Variants in AVEN observed in about 807,000 individuals in gnomAD.
AVEN encodes cell death regulator Aven.
In AVEN, 41 loss-of-function variants were observed where a neutral mutation model predicts 38.1. The ratio of observed to expected loss-of-function variants is 1.08; its 90% CI spans 0.84 to 1.40. AVEN has a LOEUF of 1.40. Among genes scored for constraint, AVEN ranks in the 40% most tolerant of loss-of-function variants. AVEN has a pLI of 0.00. For synonymous variants in AVEN, 206 were observed against 171.8 expected (o/e 1.20, Z -1.56); for missense variants, 605 against 438.8 (o/e 1.38, Z -3.38).
chr15:33,906,212 A>G (rs1250361756), intron 2 of AVEN, among the ~76,000 whole-genome samples: 1 of 152,136 alleles, frequency 6.6e-6, no homozygotes, highest in East Asian at 1.9e-4. Context: ...AGGGAGGGGT[A>G]GGGAAGGCAA....
chr15:33,972,808 G>A (rs570364375), intron 2 of AVEN, among the ~76,000 whole-genome samples: 1 of 152,270 alleles, frequency 6.6e-6, no homozygotes, highest in South Asian at 2.1e-4. Flanking sequence ...TTGATTAGTG[G>A]CAATACCCTG....
chr15:33,900,231 T>C (rs1319493912), intron 2 of AVEN, among the ~76,000 whole-genome samples: 2 of 152,292 alleles, frequency 1.3e-5, no homozygotes, highest in East Asian at 1.9e-4. Context: ...AGCCACATTA[T>C]GTCTAAATGT....
At chr15:33,982,518 G>T (rs1274356588) in intron 2 of AVEN, among the ~76,000 whole-genome samples, 1 of 152,126 alleles carries the variant, frequency 6.6e-6, no homozygotes, top group African/African-American at 2.4e-5. Flanking sequence ...CAGTCCCAAT[G>T]GTCAAATTCA....
At chr15:33,873,094 C>CTTTTTTTTTTTTTT (rs34223352) in intron 3 of AVEN, among the ~76,000 whole-genome samples, 12 of 85,102 alleles carry the variant, frequency 1.4e-4, no homozygotes, top group Non-Finnish European at 2.1e-4. Flanking sequence ...TTTTCCTTTT[C>CTTTTTTTTTTTTTT]TTTTTTTTTT....
chr15:34,073,576 A>G (rs776553178), intron 1 of AVEN, among the ~76,000 whole-genome samples: 79 of 139,102 alleles, frequency 5.7e-4, no homozygotes, highest in Non-Finnish European at 1.0e-3. Context: ...GCTGGAGTGC[A>G]ACGGCATGAT....
rs1385950222 is a variant in AVEN at position 34,069,144 on chromosome 15, G to A, written n.784+1444C>T. 1.3e-5 allele frequency among the ~76,000 whole-genome samples: 2 copies of A among 151,956 alleles called. 1 individual carries two copies. The highest frequency in any genetic ancestry group is 4.8e-5 in the African/African-American group (2 of 41,426). Reference sequence around the variant, plus strand: ...CCAATTTTTAAAAACAATTTCGGCTGGGCGCGGTGGCTCATGCCTGTAATC... The same window carrying A: ...CCAATTTTTAAAAACAATTTCGGCTAGGCGCGGTGGCTCATGCCTGTAATC... On this transcript the variant is annotated intron_variant and non_coding_transcript_variant, in intron 2 of 11. Transcript: ENST00000675287.
At chr15:34,046,356 A>AC (rs1483284235) in intron 5 of AVEN, among the ~76,000 whole-genome samples, 2 of 151,464 alleles carry the variant, frequency 1.3e-5, no homozygotes, top group African/African-American at 2.4e-5. Context: ...AAAAAAAAAA[A>AC]ACGGGAAAAA....
In AVEN at chr15:34,039,107, C is replaced by T. The variant is rs1899335036; in HGVS notation, c.-61G>A. On this transcript the variant is annotated 5_prime_UTR_variant, in exon 1 of 6. Transcript: ENST00000306730. ...CGAGCTGCGGCGGAGACGCCCTGGC[C>T]CCACCGGAAGCGGGCCGCACGGAGG... 9.4e-7 allele frequency: 1 copy of T among 1,061,442 alleles called. No individual in the cohort carries two copies. The highest frequency in any genetic ancestry group is 1.1e-6 in the Non-Finnish European group (1 of 879,682). The allele number at this position is 1,061,442 out of a possible 1,614,324, so 65.8% of individuals were successfully genotyped here. A position where few individuals can be genotyped will look rare whatever the true frequency, so the allele number is the denominator to read the frequency against.
intron 2 of AVEN, among the ~76,000 whole-genome samples, chr15:33,888,613 A>G (rs112263637): frequency 1.7e-3 from 265 of 152,366 alleles, no homozygotes; most frequent in Non-Finnish European, 2.3e-3. Flanking sequence ...AAAGATGTCA[A>G]TATTAATGTT....
the AVEN span, chr15:33,852,802 C>A: frequency 7.3e-6 from 3 of 413,774 alleles, no homozygotes; most frequent in African/African-American, 4.2e-5. Flanking sequence ...AATCATAATT[C>A]TGAGGCAGAA....
At position 33,989,823 on chromosome 15, in the gene AVEN, T is replaced by G. The variant is rs376841912; in HGVS notation, c.445+13209A>C. On this transcript the variant is annotated intron_variant, in intron 2 of 5. Coordinates refer to ENST00000306730, the MANE Select transcript of AVEN (RefSeq NM_020371.3). ...ACCCACCTAAAATTATCTTAATTTT[T>G]TTAAGGAGAGGTATGAGTCTAAAAG... 1.3e-4 allele frequency among the ~76,000 whole-genome samples: 19 copies of G among 151,652 alleles called. No individual in the cohort carries two copies. In the East Asian group the frequency reaches 2.9e-3, roughly 23 times the overall value.
At chr15:34,036,162 C>T (rs1377679965) in intron 1 of AVEN, among the ~76,000 whole-genome samples, 2 of 151,848 alleles carry the variant, frequency 1.3e-5, no homozygotes, top group African/African-American at 2.4e-5. Context: ...GTGAGTATTC[C>T]GTGAAGATAA....
chr15:33,972,968 G>C (rs1895705178), intron 2 of AVEN, among the ~76,000 whole-genome samples: 1 of 152,204 alleles, frequency 6.6e-6, no homozygotes, highest in Non-Finnish European at 1.5e-5. Context: ...GCTTGATCCA[G>C]TGGTGTGTAG....
intron 2 of AVEN, among the ~76,000 whole-genome samples, chr15:33,889,949 C>CTTGCAAT (rs1891864686): frequency 6.6e-6 from 1 of 152,112 alleles, no homozygotes; most frequent in Non-Finnish European, 1.5e-5. Context: ...GGTCAAGGTA[C>CTTGCAAT]GGCAAGGTAG....
At chr15:33,958,909 T>C (rs1428591254) in intron 2 of AVEN, among the ~76,000 whole-genome samples, 1 of 152,174 alleles carries the variant, frequency 6.6e-6, no homozygotes, top group Non-Finnish European at 1.5e-5. Context: ...ATCTAGAGCA[T>C]AAAATCTTCA....
chr15:34,063,860 C>T lies in AVEN; in HGVS notation n.1127-428G>A, dbSNP rs760293530. 2 of 1,614,126 alleles carry T rather than the reference C, an allele frequency of 1.2e-6. No individual in the cohort carries two copies. The highest frequency in any genetic ancestry group is 8.5e-7 in the Non-Finnish European group (1 of 1,180,014). On this transcript the variant is annotated intron_variant and non_coding_transcript_variant, in intron 4 of 11. Coordinates refer to the AVEN transcript ENST00000675287. The surrounding 1 kb of genome is among the most constrained non-coding windows in gnomAD (Gnocchi z 4.1). ...GTCAGAAATGTGTGGCCTATAAGTTCCGATTGGTGGTAAAAGCTGACGGGA... is the reference window on the plus strand; with the variant it reads ...GTCAGAAATGTGTGGCCTATAAGTTTCGATTGGTGGTAAAAGCTGACGGGA...
chr15:33,933,506 CACACACACACACA>C (rs1893928999), intron 2 of AVEN, among the ~76,000 whole-genome samples: 2 of 118,392 alleles, frequency 1.7e-5, no homozygotes, highest in Middle Eastern at 3.9e-3. Context: ...CACACACACA[CACACACACACACA>C]CACACAGAGA....
At chr15:34,057,193 G>T (rs768134628) in intron 5 of AVEN, among the ~76,000 whole-genome samples, 9 of 150,084 alleles carry the variant, frequency 6.0e-5, no homozygotes, top group Admixed American at 1.3e-4. Flanking sequence ...GAGTGCAGTC[G>T]CATGATCTTG....
At chr15:34,038,660 C>T in intron 1 of AVEN, 120 bp downstream of exon 1, 2 of 980,614 alleles carry the variant, frequency 2.0e-6, no homozygotes, top group Non-Finnish European at 2.5e-6. Context: ...GCGCAGGCGC[C>T]GGCGCCGCCG....
Sources: gnomAD v4.1 joint callset for allele counts (sites outside exome capture counted in the v4.1 genomes callset) on GRCh38, gnomAD v4.1.1 for gene constraint, Gnocchi (gnomAD v3.1) non-coding constraint, MANE v1.5 for transcripts, NCBI Gene and HGNC (gene_info 2026-07-23, HGNC 2026-07-21) for gene names.